Variants in ATP1A1 observed in about 807,000 individuals in gnomAD.
The protein encoded by ATP1A1 is sodium/potassium-transporting ATPase subunit alpha-1.
ATP1A1 carries 14 observed loss-of-function variants against 114.8 expected under a neutral mutation model. That is an observed-to-expected ratio of 0.12 (90% CI 0.08 to 0.19). ATP1A1 has a LOEUF of 0.19. ATP1A1 is among the 10% of genes least tolerant of loss of function. The probability of loss-of-function intolerance (pLI) is 1.00; values close to 1 mark genes in which losing one functional copy is unlikely to be tolerated. For synonymous variants in ATP1A1, 471 were observed against 466.3 expected, an observed-to-expected ratio of 1.01 and a Z score of -0.13; for missense variants, 524 against 1,290.7, an observed-to-expected ratio of 0.41 and a Z score of 9.10.
chr1:116,373,544 G>A (rs1432921701), intron 1 of ATP1A1, 21 bp downstream of exon 1: 1 of 1,448,418 alleles, frequency 6.9e-7, no homozygotes, highest in Non-Finnish European at 9.1e-7. Context: ...GGCGCGCCCG[G>A]GGAGGGGGCT....
chr1:116,373,787 C>G, intron 1 of ATP1A1: 1 of 1,179,672 alleles, frequency 8.5e-7, no homozygotes, highest in Non-Finnish European at 1.0e-6. Context: ...GCGGGGGCTG[C>G]GCGCCCCGGA....
intron 9 of ATP1A1, 24 bp from the exon 10 acceptor site, chr1:116,390,758 G>A (rs1401067045): frequency 2.5e-6 from 4 of 1,585,590 alleles, no homozygotes; most frequent in Non-Finnish European, 3.5e-6. Flanking sequence ...TTGTTGTTCT[G>A]TTGTGTTTTC....
intron 18 of ATP1A1, among the ~76,000 whole-genome samples, chr1:116,400,477 A>T (rs1653359130): frequency 1.3e-5 from 2 of 152,164 alleles, no homozygotes; most frequent in Admixed American, 6.5e-5. Flanking sequence ...AGCATGTAGG[A>T]ATTTTGAAAG....
rs367825500 is a variant in ATP1A1, at chr1:116,396,276, C to CTTTTTTTT, written c.1837-308_1837-301dup. On this transcript the variant is annotated intron_variant, in intron 13 of 22. Transcript: ENST00000295598. Reference sequence around the variant, plus strand: ...GTCCCACCAGCATCAGATTTTTATCCTTTTTTTTTTTTTTTTTTTTTGCTG... The same window carrying CTTTTTTTT: ...GTCCCACCAGCATCAGATTTTTATCCTTTTTTTTTTTTTTTTTTTTTTTTTTTTTGCTG... 3.8e-3 allele frequency among the ~76,000 whole-genome samples: 391 copies of CTTTTTTTT among 102,592 alleles called. 3 individuals are homozygous for CTTTTTTTT. The highest frequency in any genetic ancestry group is 0.014 in the African/African-American group (345 of 24,618). The allele number at this position is 102,592 out of a possible 152,430, so 67.3% of individuals were successfully genotyped here.
At position 116,384,931 on chromosome 1, in the gene ATP1A1, GC is replaced by G. The variant is rs753189042; in HGVS notation, c.183+90del. 3 of 1,296,594 alleles carry G rather than the reference GC, an allele frequency of 2.3e-6. No homozygotes were observed. In the South Asian group the frequency reaches 3.7e-5, roughly 16 times the overall value. The allele number at this position is 1,296,594 out of a possible 1,614,324, so 80.3% of individuals were successfully genotyped here. Reference sequence around the variant, plus strand: ...ATTACATACAGGTCTAACCTCAGGGGCTCTAGTAAGAAAATGACAGACACCA... The same window carrying G: ...ATTACATACAGGTCTAACCTCAGGGGTCTAGTAAGAAAATGACAGACACCA... On this transcript the variant is annotated intron_variant, in intron 3 of 22. Transcript: ENST00000295598. This position sits in a 1 kb window ranked among gnomAD's most constrained non-coding sequence, Gnocchi z 5.1.
rs1320985329 is a variant in ATP1A1, at chr1:116,392,985, C to A, written c.1464C>A (p.Tyr488Ter). The change falls in exon 11 of 23, where the codon TAC becomes TAA. Residue 488 changes from tyrosine to a stop codon, truncating the protein, a stop_gained. Transcript: ENST00000295598. LOFTEE classifies it high-confidence loss of function. The part of the protein sequence containing the change: ...VEIPFNSTNK[Y>*]QLSIHKNPNT... Reference sequence around the variant, plus strand: ...TACCCTTCAACTCCACCAACAAGTACCAGGTCTGAAGATCGATGGGTACAC... The same window carrying A: ...TACCCTTCAACTCCACCAACAAGTAACAGGTCTGAAGATCGATGGGTACAC... 6.2e-7 allele frequency: 1 copy of A among 1,613,812 alleles called. No homozygotes were observed. The highest frequency in any genetic ancestry group is 8.5e-7 in the Non-Finnish European group (1 of 1,179,938).
At chr1:116,383,265 T>G (rs1035875920) in intron 1 of ATP1A1, 1 of 748,324 alleles carries the variant, frequency 1.3e-6, no homozygotes, top group Non-Finnish European at 1.7e-6. Flanking sequence ...GCTCCCTTTT[T>G]TATCTCTTAT....
rs1266654579 is a variant in ATP1A1, at chr1:116,389,910, T to C, written c.1023+203T>C. 4.7e-6 allele frequency: 4 copies of C among 846,874 alleles called. 1 individual carries two copies. In the South Asian group the frequency reaches 7.3e-5, roughly 15 times the overall value. The allele number at this position is 846,874 out of a possible 1,614,324, so 52.5% of individuals were successfully genotyped here. ...TTATACGTAAGATAACCCCAAAGCA[T>C]ACATTTTGCTTTTAAATTATCACGT... On this transcript the variant is annotated intron_variant, in intron 8 of 22. Transcript: ENST00000295598. The surrounding 1 kb of genome is among the most constrained non-coding windows in gnomAD (Gnocchi z 6.9).
At chr1:116,396,356 T>C (rs1652930914) in intron 13 of ATP1A1, among the ~76,000 whole-genome samples, 2 of 149,622 alleles carry the variant, frequency 1.3e-5, no homozygotes, top group Admixed American at 6.7e-5. Context: ...AAAATAGACA[T>C]TGTGTATGCT....
Position 116,395,153 on chromosome 1 carries a change from G to A in ATP1A1, c.1704G>A (p.Gly568=). 1 of 1,614,076 alleles carries A rather than the reference G, an allele frequency of 6.2e-7. No individual in the cohort carries two copies. Reference sequence around the variant, plus strand: ...TGCCAGATGAACAGTTTCCTGAAGGGTTCCAGTTTGACACTGACGATGTGA... The same window carrying A: ...TGCCAGATGAACAGTTTCCTGAAGGATTCCAGTTTGACACTGACGATGTGA... ...LFLPDEQFPE[G]FQFDTDDVNF... is the part of the protein sequence containing the mutation. Residue 568 remains glycine, a synonymous_variant, in exon 13 of 23, where the codon GGG becomes GGA. Coordinates refer to ENST00000295598, the MANE Select transcript of ATP1A1 (RefSeq NM_000701.8). The surrounding 1 kb of genome is among the most constrained non-coding windows in gnomAD (Gnocchi z 6.4).
chr1:116,395,106 G>A lies in ATP1A1; in HGVS notation c.1661-4G>A, dbSNP rs368917905. The A allele has an allele frequency of 4.0e-5, 65 of 1,613,064 alleles. No homozygotes were observed. The African/African-American group carries it at 7.5e-4, about 19-fold the overall frequency. ...ATTTTCAAAGGCTCCTGTCCTCCTC[G>A]CAGGTTTCTGCCACCTCTTTCTGCC... On this transcript the variant is annotated splice_region_variant and splice_polypyrimidine_tract_variant and intron_variant, in intron 12 of 22. Transcript: ENST00000295598. This position sits in a 1 kb window ranked among gnomAD's most constrained non-coding sequence, Gnocchi z 6.4.
At position 116,388,820 on chromosome 1, in the gene ATP1A1, G is replaced by T; in HGVS notation, c.636+48G>T. Reference sequence around the variant, plus strand: ...CCTCATAGCTAGCTCTGCTGTTCGGGCAGCTTGATTTGAGGGGTACAGTAG... The same window carrying T: ...CCTCATAGCTAGCTCTGCTGTTCGGTCAGCTTGATTTGAGGGGTACAGTAG... On this transcript the variant is annotated intron_variant, in intron 6 of 22. Coordinates refer to ENST00000295598, the MANE Select transcript of ATP1A1 (RefSeq NM_000701.8). The surrounding 1 kb of genome is among the most constrained non-coding windows in gnomAD (Gnocchi z 5.6). The T allele has an allele frequency of 6.2e-7, 1 of 1,612,848 alleles. No homozygotes were observed. The highest frequency in any genetic ancestry group is 2.2e-5 in the East Asian group (1 of 44,868).
rs1055215719 is a variant in ATP1A1, at chr1:116,401,915, C to T, written c.2951+260C>T. The T allele has an allele frequency of 1.4e-5, 7 of 500,632 alleles. No individual in the cohort carries two copies. Among genetic ancestry groups the T allele is most frequent in the Non-Finnish European group, 2.5e-5 (7 of 281,764 alleles). 31.0% of individuals were successfully genotyped at this position (500,632 alleles called of 1,614,324 possible). ...CAGGCTCTAGCTCCATGGAACTGCTCAACAGCGAACTGCATTGAGCACTCA... is the reference window on the plus strand; with the variant it reads ...CAGGCTCTAGCTCCATGGAACTGCTTAACAGCGAACTGCATTGAGCACTCA... On this transcript the variant is annotated intron_variant, in intron 21 of 22. Transcript: ENST00000295598. This position sits in a 1 kb window ranked among gnomAD's most constrained non-coding sequence, Gnocchi z 4.7.
In ATP1A1 at chr1:116,393,757, C is replaced by T; in HGVS notation, c.1660+34C>T. ...ATAACCTGGTAACAGAGTGCCTGGGCACGTTTTTATCCAGTAACCTAGTCT... is the reference window on the plus strand; with the variant it reads ...ATAACCTGGTAACAGAGTGCCTGGGTACGTTTTTATCCAGTAACCTAGTCT... On this transcript the variant is annotated intron_variant, in intron 12 of 22. Transcript: ENST00000295598. The surrounding 1 kb of genome is among the most constrained non-coding windows in gnomAD (Gnocchi z 5.0). 1 of 1,592,624 alleles carries T rather than the reference C, an allele frequency of 6.3e-7. No individual in the cohort carries two copies.
chr1:116,401,214 G>C lies in ATP1A1; in HGVS notation c.2803G>C (p.Val935Leu). 1 of 1,614,194 alleles carries C rather than the reference G, an allele frequency of 6.2e-7. No individual in the cohort carries two copies. Among genetic ancestry groups the C allele is most frequent in the African/African-American group, 1.3e-5 (1 of 75,060 alleles). Residue 935 changes from valine (V) to leucine (L), a missense_variant, in exon 20 of 23, where the codon GTC becomes CTC. Physicochemically the swap from Val to Leu is conservative, Grantham distance 32 (BLOSUM62 1). This residue lies in a region of ATP1A1 where 84 missense variants were observed against 209.3 expected (regional missense o/e 0.40). Coordinates refer to ENST00000295598, the MANE Select transcript of ATP1A1 (RefSeq NM_000701.8). The surrounding 1 kb of genome is among the most constrained non-coding windows in gnomAD (Gnocchi z 4.7). ...CGTGGTGGTGCAGTGGGCCGACTTG[G>C]TCATCTGTAAGACCAGGAGGAATTC... ...SIVVVQWADL[V>L]ICKTRRNSVF...
rs1652016160 is a variant in ATP1A1, at chr1:116,385,374, G to A, written c.183+532G>A. The A allele has an allele frequency of 6.4e-6, 1 of 155,172 alleles. No homozygotes were observed. Among genetic ancestry groups the A allele is most frequent in the Non-Finnish European group, 1.4e-5 (1 of 70,298 alleles). 9.6% of individuals were successfully genotyped at this position (155,172 alleles called of 1,614,324 possible). ...AGGCGTTATGTATCCTTGTTATGTA[G>A]AGGATTTTGATATTAAATGTGTAAC... On this transcript the variant is annotated intron_variant, in intron 3 of 22. Coordinates refer to ENST00000295598, the MANE Select transcript of ATP1A1 (RefSeq NM_000701.8). This position sits in a 1 kb window ranked among gnomAD's most constrained non-coding sequence, Gnocchi z 4.3.
At chr1:116,373,780 G>T in intron 1 of ATP1A1, 1 of 1,205,412 alleles carries the variant, frequency 8.3e-7, no homozygotes, top group South Asian at 3.1e-5. Flanking sequence ...ACCCTGGGCG[G>T]GGGCTGCGCG....
At chr1:116,391,467 C>A (rs954286232) in intron 10 of ATP1A1, among the ~76,000 whole-genome samples, 2 of 152,194 alleles carry the variant, frequency 1.3e-5, no homozygotes. Flanking sequence ...TGAGATTTTA[C>A]TATGCTGCCC....
At chr1:116,400,198 G>A (rs947501787) in intron 18 of ATP1A1, among the ~76,000 whole-genome samples, 1 of 152,252 alleles carries the variant, frequency 6.6e-6, no homozygotes, top group Non-Finnish European at 1.5e-5. Context: ...CTTGGATAAA[G>A]AAGAACAGAT....
Sources: allele counts gnomAD v4.1 joint callset (sites outside exome capture counted in the v4.1 genomes callset), GRCh38; gene constraint gnomAD v4.1.1; regional missense constraint gnomAD v4.1.1; non-coding constraint Gnocchi (gnomAD v3.1); transcripts MANE v1.5; gene names NCBI Gene and HGNC (gene_info 2026-07-23, HGNC 2026-07-21).